ALK: variants seen among roughly 807,000 people sequenced by gnomAD.
ALK encodes the protein ALK tyrosine kinase receptor.
Under a neutral mutation model 163.1 loss-of-function variants are expected in ALK, and 74 were observed. That is an observed-to-expected ratio of 0.45 (90% CI 0.38 to 0.55). The LOEUF (loss-of-function observed/expected upper bound fraction) is 0.55. Ranked by LOEUF, ALK falls within the 20% of genes least tolerant of loss-of-function variation. The pLI, the probability that ALK is intolerant of heterozygous loss-of-function variation, is 0.00. For synonymous variants in ALK, 960 were observed against 843.2 expected, an observed-to-expected ratio of 1.14 and a Z score of -2.40; for missense variants, 2,063 against 2,105.3, an observed-to-expected ratio of 0.98 and a Z score of 0.39.
At chr2:29,372,292 T>C (rs1222784839) in intron 5 of ALK, among the ~76,000 whole-genome samples, 2 of 152,184 alleles carry the variant, frequency 1.3e-5, no homozygotes, top group East Asian at 3.9e-4. Flanking sequence ...GTGAGCTGAA[T>C]CTCAGACCTA....
chr2:29,805,479 T>A (rs1664583927), intron 1 of ALK, among the ~76,000 whole-genome samples: 2 of 152,272 alleles, frequency 1.3e-5, no homozygotes, highest in African/African-American at 4.8e-5. Context: ...TAGCTATTTA[T>A]GCTGATGCTC....
intron 3 of ALK, among the ~76,000 whole-genome samples, chr2:29,566,902 T>C (rs1227719982): frequency 2.0e-5 from 3 of 152,084 alleles, no homozygotes; most frequent in Admixed American, 6.6e-5. Flanking sequence ...ATAAACCATG[T>C]ATGTAAATAT....
chr2:29,199,155 T>C (rs1382923882), intron 26 of ALK, among the ~76,000 whole-genome samples: 1 of 152,086 alleles, frequency 6.6e-6, no homozygotes, highest in East Asian at 1.9e-4. Context: ...GGTTTCGTCA[T>C]GTTGGCCAGG....
intron 8 of ALK, among the ~76,000 whole-genome samples, chr2:29,312,877 G>A (rs1249432106): frequency 6.6e-6 from 1 of 152,200 alleles, no homozygotes; most frequent in African/African-American, 2.4e-5. Flanking sequence ...TGTCACTGCA[G>A]AGATGTCACA....
At chr2:29,430,913 G>C (rs1670257211) in intron 4 of ALK, among the ~76,000 whole-genome samples, 1 of 152,028 alleles carries the variant, frequency 6.6e-6, no homozygotes, top group Non-Finnish European at 1.5e-5. Context: ...GCCTGGTACA[G>C]TATGTCAGCA....
intron 18 of ALK, among the ~76,000 whole-genome samples, chr2:29,226,405 G>C (rs1302810704): frequency 6.8e-6 from 1 of 147,672 alleles, no homozygotes; most frequent in African/African-American, 2.5e-5. Flanking sequence ...TTGAACCTGG[G>C]AAGCGGAGGT....
At chr2:29,917,485 A>T (rs187298102) in intron 1 of ALK, among the ~76,000 whole-genome samples, 49 of 152,382 alleles carry the variant, frequency 3.2e-4, no homozygotes, top group African/African-American at 1.2e-3. Flanking sequence ...GAATTTTCAT[A>T]GGGAAAATGA....
intron 1 of ALK, among the ~76,000 whole-genome samples, chr2:29,785,782 C>G (rs1317295129): frequency 4.6e-5 from 7 of 152,058 alleles, no homozygotes; most frequent in South Asian, 2.1e-4. Context: ...CACCCCCCAC[C>G]CCCGGCCTCC....
chr2:29,635,439 A>G (rs1259785308), intron 3 of ALK, among the ~76,000 whole-genome samples: 1 of 152,156 alleles, frequency 6.6e-6, no homozygotes, highest in African/African-American at 2.4e-5. Context: ...AGAGATTATG[A>G]TGTAAAGACA....
intron 1 of ALK, among the ~76,000 whole-genome samples, chr2:29,753,096 A>G (rs1680419179): frequency 6.6e-6 from 1 of 152,238 alleles, no homozygotes; most frequent in Admixed American, 6.5e-5. Context: ...TGCCCGTGGC[A>G]GAAACACACA....
At chr2:29,835,872 G>A (rs532246832) in intron 1 of ALK, among the ~76,000 whole-genome samples, 59 of 152,276 alleles carry the variant, frequency 3.9e-4, no homozygotes, top group South Asian at 2.1e-3. Context: ...CCAGCCATGC[G>A]GAACTGTGAG....
At chr2:29,910,225 G>C (rs1203365231) in intron 1 of ALK, among the ~76,000 whole-genome samples, 1 of 152,110 alleles carries the variant, frequency 6.6e-6, no homozygotes, top group Non-Finnish European at 1.5e-5. Context: ...AGTATCTAAA[G>C]TGAAAACTTA....
At chr2:29,476,844 T>G (rs898772152) in intron 4 of ALK, among the ~76,000 whole-genome samples, 2 of 152,166 alleles carry the variant, frequency 1.3e-5, no homozygotes, top group African/African-American at 4.8e-5. Flanking sequence ...CTGCAGAAAT[T>G]AGTTGTGAGA....
At chr2:29,505,187 T>C (rs1221127475) in intron 4 of ALK, among the ~76,000 whole-genome samples, 1 of 152,086 alleles carries the variant, frequency 6.6e-6, no homozygotes, top group Admixed American at 6.5e-5. Context: ...CTGCTCTGGG[T>C]TCTCAGGTGA....
intron 5 of ALK, among the ~76,000 whole-genome samples, chr2:29,333,903 C>A: frequency 6.6e-6 from 1 of 152,216 alleles, no homozygotes; most frequent in Admixed American, 6.5e-5. Flanking sequence ...TGAGCCACTG[C>A]ACCCAGCCTG....
At chr2:29,309,505 T>C (rs1666636784) in intron 8 of ALK, among the ~76,000 whole-genome samples, 1 of 152,180 alleles carries the variant, frequency 6.6e-6, no homozygotes, top group African/African-American at 2.4e-5. Flanking sequence ...GCAGTTACAA[T>C]TGCTGTTGAT....
intron 4 of ALK, among the ~76,000 whole-genome samples, chr2:29,516,611 ACAT>A (rs1672673185): frequency 6.6e-6 from 1 of 152,198 alleles, no homozygotes; most frequent in African/African-American, 2.4e-5. Context: ...TGGAGGGGTC[ACAT>A]CATATAGTGC....
intron 1 of ALK, among the ~76,000 whole-genome samples, chr2:29,846,790 T>C (rs1665854102): frequency 6.6e-6 from 1 of 152,240 alleles, no homozygotes; most frequent in South Asian, 2.1e-4. Context: ...TGCCAGGATC[T>C]ATGTGAAGCC....
intron 1 of ALK, among the ~76,000 whole-genome samples, chr2:29,755,613 C>A (rs1025489928): frequency 5.3e-5 from 8 of 152,164 alleles, no homozygotes; most frequent in African/African-American, 1.7e-4. Flanking sequence ...ATTCCGGGGT[C>A]CCCTGCATGT....
Sources: gnomAD v4.1 joint callset for allele counts (sites outside exome capture counted in the v4.1 genomes callset) on GRCh38, gnomAD v4.1.1 for gene constraint, MANE v1.5 for transcripts, NCBI Gene and HGNC (gene_info 2026-07-23, HGNC 2026-07-21) for gene names.